PCDHGC3: variants seen among roughly 807,000 people sequenced by gnomAD.
PCDHGC3 encodes protocadherin gamma subfamily C, 3.
In PCDHGC3, 26 loss-of-function variants were observed where a neutral mutation model predicts 59.2. That is an observed-to-expected ratio of 0.44 (90% CI 0.32 to 0.61). The LOEUF is 0.61. PCDHGC3 is among the 20% of genes least tolerant of loss of function. PCDHGC3 has a pLI of 0.05. For missense variants in PCDHGC3, 1,080 were observed against 1,221.8 expected (o/e 0.88, Z 1.73); for synonymous variants, 487 against 519.7 (o/e 0.94, Z 0.86).
At chr5:141,500,278 G>A (rs1338703900) in intron 2 of PCDHGC3, among the ~76,000 whole-genome samples, 2 of 150,508 alleles carry the variant, frequency 1.3e-5, no homozygotes, top group East Asian at 2.0e-4. Context: ...GCGCAATCTC[G>A]GCTCACTGCA....
In PCDHGC3 at chr5:141,487,774, C is replaced by T. The variant is rs1272776899; in HGVS notation, c.2431-7033C>T. 2.0e-6 allele frequency: 3 copies of T among 1,534,064 alleles called. 1 individual carries two copies. The highest frequency in any genetic ancestry group is 2.6e-6 in the Non-Finnish European group (3 of 1,135,588). On this transcript the variant is annotated intron_variant, in intron 1 of 3. Transcript: ENST00000308177. The surrounding 1 kb of genome is among the most constrained non-coding windows in gnomAD (Gnocchi z 5.0). Reference sequence around the variant, plus strand: ...ATGTGGTAGACGCTGTGCTTTGTAACTGTTTCGTGAATTAACCAGAGTTGT... The same window carrying T: ...ATGTGGTAGACGCTGTGCTTTGTAATTGTTTCGTGAATTAACCAGAGTTGT...
In PCDHGC3 at chr5:141,489,661, C is replaced by T. The variant is rs756803543; in HGVS notation, c.2431-5146C>T. 36 of 1,614,146 alleles carry T rather than the reference C, an allele frequency of 2.2e-5. 1 individual carries two copies. Among genetic ancestry groups the T allele is most frequent in the South Asian group, 5.5e-5 (5 of 91,090 alleles). ...CTTTGCCACCCCTGAGCGAGAGATG[C>T]GCATCTCAGAATCAGCAGCATCTGG... On this transcript the variant is annotated intron_variant, in intron 1 of 3. Coordinates refer to ENST00000308177, the MANE Select transcript of PCDHGC3 (RefSeq NM_002588.4). The surrounding 1 kb of genome is among the most constrained non-coding windows in gnomAD (Gnocchi z 4.5).
chr5:141,500,184 T>TTTTATTTA (rs58019021), intron 2 of PCDHGC3, among the ~76,000 whole-genome samples: 1,392 of 135,954 alleles, frequency 0.01, 12 homozygotes, highest in South Asian at 0.02. Flanking sequence ...TCATTTTTAT[T>TTTTATTTA]TTTATTTATT....
chr5:141,478,724 G>T, intron 1 of PCDHGC3, 178 bp downstream of exon 1: 2 of 1,542,774 alleles, frequency 1.3e-6, no homozygotes, highest in Non-Finnish European at 1.8e-6. Context: ...TGGCCTGCCA[G>T]AGTGTGGTTT....
At position 141,478,139 on chromosome 5, in the gene PCDHGC3, G is replaced by C; in HGVS notation, c.2023G>C (p.Ala675Pro). The C allele has an allele frequency of 9.3e-6, 15 of 1,614,040 alleles. No individual in the cohort carries two copies. Among genetic ancestry groups the C allele is most frequent in the Non-Finnish European group, 1.3e-5 (15 of 1,180,028 alleles). ...AACCGAGGACTCTCCTGAAGCCCGA[G>C]CCGAGTTCCCCTCTGGCTCTGCCCC... ...SVTEDSPEAR[A>P]EFPSGSAPRE... The change falls in exon 1 of 4, where the codon GCC becomes CCC. Residue 675 changes from alanine (A) to proline (P), a missense_variant. Ala to Pro is a conservative substitution (Grantham distance 27). Coordinates refer to ENST00000308177, the MANE Select transcript of PCDHGC3 (RefSeq NM_002588.4).
In PCDHGC3 at chr5:141,478,044, C is replaced by T; in HGVS notation, c.1928C>T (p.Thr643Ile). 1.2e-6 allele frequency: 2 copies of T among 1,614,184 alleles called. No homozygotes were observed. The highest frequency in any genetic ancestry group is 1.1e-5 in the South Asian group (1 of 91,086). ...CAAGACACAGATTCACCCAGGCAGA[C>T]TCTCACGGTCTTGATCAAAGACAAT... ...PVQDTDSPRQ[T>I]LTVLIKDNGE... The change falls in exon 1 of 4, where the codon ACT (threonine) becomes ATT (isoleucine). Residue 643 changes from threonine to isoleucine, a missense_variant. Transcript: ENST00000308177.
Position 141,477,167 on chromosome 5 carries a change from G to C in PCDHGC3, c.1051G>C (p.Glu351Gln). The C allele has an allele frequency of 6.2e-7, 1 of 1,614,166 alleles. No individual in the cohort carries two copies. Among genetic ancestry groups the C allele is most frequent in the South Asian group, 1.1e-5 (1 of 91,076 alleles). ...EVVDVNDNAP[E>Q]ITVTSVYSPV... ...TGTGGATGTGAATGACAACGCCCCG[G>C]AGATCACAGTCACCTCCGTGTACAG... The change falls in exon 1 of 4, where the codon GAG (glutamate) becomes CAG (glutamine). Residue 351 changes from glutamate to glutamine, a missense_variant. Coordinates refer to ENST00000308177, the MANE Select transcript of PCDHGC3 (RefSeq NM_002588.4). The surrounding 1 kb of genome is among the most constrained non-coding windows in gnomAD (Gnocchi z 4.9).
chr5:141,485,814 CT>C lies in PCDHGC3; in HGVS notation c.2430+7269del, dbSNP rs2099619658. On this transcript the variant is annotated intron_variant, in intron 1 of 3. Transcript: ENST00000308177. The surrounding 1 kb of genome is among the most constrained non-coding windows in gnomAD (Gnocchi z 5.7). ...TCGGACTACCGCCTGGTGCTGACTGCTGTCGATGGAGGGAACCCGCCGAGAT... is the reference window on the plus strand; with the variant it reads ...TCGGACTACCGCCTGGTGCTGACTGCGTCGATGGAGGGAACCCGCCGAGAT... The C allele has an allele frequency of 6.2e-7, 1 of 1,613,864 alleles. No individual in the cohort carries two copies. Among genetic ancestry groups the C allele is most frequent in the Non-Finnish European group, 8.5e-7 (1 of 1,179,990 alleles).
chr5:141,476,926 T>G lies in PCDHGC3; in HGVS notation c.810T>G (p.Asp270Glu), dbSNP rs779017502. ...GTRVVQVLATDLDEGPNGEII... is the reference protein window; with the variant it reads ...GTRVVQVLATELDEGPNGEII... ...GCGTGGTACAAGTCCTTGCAACGGA[T>G]CTGGATGAAGGCCCCAACGGTGAAA... is the stretch of plus-strand genomic sequence containing the variant. Residue 270 changes from aspartate to glutamate, a missense_variant, in exon 1 of 4, where the codon GAT (aspartate) becomes GAG (glutamate). By Grantham distance (45) the Asp-to-Glu change is conservative. Coordinates refer to ENST00000308177, the MANE Select transcript of PCDHGC3 (RefSeq NM_002588.4). The surrounding 1 kb of genome is among the most constrained non-coding windows in gnomAD (Gnocchi z 7.6). 1 of 1,614,072 alleles carries G rather than the reference T, an allele frequency of 6.2e-7. No homozygotes were observed. The highest frequency in any genetic ancestry group is 1.1e-5 in the South Asian group (1 of 91,092).
chr5:141,483,916 A>C (rs1377841777), intron 1 of PCDHGC3, among the ~76,000 whole-genome samples: 1 of 144,996 alleles, frequency 6.9e-6, no homozygotes, highest in African/African-American at 2.5e-5. Flanking sequence ...TCCCACTCAG[A>C]TTGCAGGTCG....
intron 1 of PCDHGC3, among the ~76,000 whole-genome samples, chr5:141,483,648 TTGTGTGTG>T (rs111458813): frequency 6.7e-6 from 1 of 149,592 alleles, no homozygotes; most frequent in Non-Finnish European, 1.5e-5. Flanking sequence ...GGGTGTGTGT[TTGTGTGTG>T]TGTGTGTGTG....
Position 141,485,738 on chromosome 5 carries a change from A to G in PCDHGC3, c.2430+7192A>G, listed in dbSNP as rs1443978038. Reference sequence around the variant, plus strand: ...GGATGTGAAGAAGCGCAGCGACGGCAGCCTGGTCCCAGAGCTGCTCCTGGA... The same window carrying G: ...GGATGTGAAGAAGCGCAGCGACGGCGGCCTGGTCCCAGAGCTGCTCCTGGA... On this transcript the variant is annotated intron_variant, in intron 1 of 3. Transcript: ENST00000308177. This position sits in a 1 kb window ranked among gnomAD's most constrained non-coding sequence, Gnocchi z 5.7. 1 of 1,614,230 alleles carries G rather than the reference A, an allele frequency of 6.2e-7. No individual in the cohort carries two copies.
chr5:141,497,919 T>G (rs762168347), intron 2 of PCDHGC3, among the ~76,000 whole-genome samples: 11 of 152,206 alleles, frequency 7.2e-5, no homozygotes, highest in Non-Finnish European at 1.6e-4. Flanking sequence ...TCTCCTTCAT[T>G]CATTCAACAA....
intron 2 of PCDHGC3, among the ~76,000 whole-genome samples, chr5:141,501,333 A>ACACACC (rs1186649373): frequency 1.5e-4 from 21 of 140,134 alleles, no homozygotes; most frequent in African/African-American, 3.4e-4. Flanking sequence ...ACACACACAC[A>ACACACC]CCCCAAACTC....
At chr5:141,503,004 C>T (rs114294610) in intron 2 of PCDHGC3, among the ~76,000 whole-genome samples, 5,013 of 145,894 alleles carry the variant, frequency 0.034, 127 homozygotes, top group South Asian at 0.076. Context: ...CCACCATGCC[C>T]GGTTAATTTT....
Position 141,489,772 on chromosome 5 carries a change from T to C in PCDHGC3, c.2431-5035T>C, listed in dbSNP as rs1327700197. 6.2e-7 allele frequency: 1 copy of C among 1,614,154 alleles called. No individual in the cohort carries two copies. The highest frequency in any genetic ancestry group is 8.5e-7 in the Non-Finnish European group (1 of 1,179,994). ...TTACACTCTAAGCCCCAACAGCCAC[T>C]TCTCTCTGAATGTGAAGACCCTAAA... On this transcript the variant is annotated intron_variant, in intron 1 of 3. Coordinates refer to ENST00000308177, the MANE Select transcript of PCDHGC3 (RefSeq NM_002588.4). This position sits in a 1 kb window ranked among gnomAD's most constrained non-coding sequence, Gnocchi z 4.5.
Position 141,485,342 on chromosome 5 carries a change from G to C in PCDHGC3, c.2430+6796G>C. 1.2e-6 allele frequency: 2 copies of C among 1,614,164 alleles called. No individual in the cohort carries two copies. Among genetic ancestry groups the C allele is most frequent in the Non-Finnish European group, 1.7e-6 (2 of 1,180,026 alleles). On this transcript the variant is annotated intron_variant, in intron 1 of 3. Coordinates refer to ENST00000308177, the MANE Select transcript of PCDHGC3 (RefSeq NM_002588.4). The surrounding 1 kb of genome is among the most constrained non-coding windows in gnomAD (Gnocchi z 5.7). The stretch of plus-strand genomic sequence containing the variant: ...CGCTCAAGATTTCCTGCTGGATACG[G>C]ACAGTCTGTCAGCTCGCAGGCTGCA...
intron 2 of PCDHGC3, among the ~76,000 whole-genome samples, chr5:141,500,775 T>C (rs1251282826): frequency 6.6e-6 from 1 of 152,218 alleles, no homozygotes; most frequent in Non-Finnish European, 1.5e-5. Context: ...CTTATGAATA[T>C]ACATATTATT....
rs980196319 is a variant in PCDHGC3 at position 141,511,604 on chromosome 5, A to C, written c.*431A>C. 3 of 248,420 alleles carry C rather than the reference A, an allele frequency of 1.2e-5. No individual in the cohort carries two copies. Among genetic ancestry groups the C allele is most frequent in the African/African-American group, 6.6e-5 (3 of 45,596 alleles). The allele number at this position is 248,420 out of a possible 1,614,324, so 15.4% of individuals were successfully genotyped here. Reference sequence around the variant, plus strand: ...GGTGTTGAAGTACCAAGTAACCTACAAGCCTCCTAGTTCTGAAAAGTTGGA... The same window carrying C: ...GGTGTTGAAGTACCAAGTAACCTACCAGCCTCCTAGTTCTGAAAAGTTGGA... On this transcript the variant is annotated 3_prime_UTR_variant, in exon 4 of 4. Coordinates refer to ENST00000308177, the MANE Select transcript of PCDHGC3 (RefSeq NM_002588.4).
Sources: allele counts gnomAD v4.1 joint callset (sites outside exome capture counted in the v4.1 genomes callset), GRCh38; gene constraint gnomAD v4.1.1; non-coding constraint Gnocchi (gnomAD v3.1); transcripts MANE v1.5; gene names NCBI Gene and HGNC (gene_info 2026-07-23, HGNC 2026-07-21).